PIK3C2G: variants seen among roughly 807,000 people sequenced by gnomAD.
PIK3C2G encodes the protein phosphatidylinositol-4-phosphate 3-kinase catalytic subunit type 2 gamma.
PIK3C2G carries 168 observed loss-of-function variants against 181.1 expected under a neutral mutation model. The observed-to-expected ratio is 0.93, with a 90% CI of 0.82 to 1.05. PIK3C2G has a LOEUF of 1.05. PIK3C2G is among the 50% of genes least tolerant of loss of function. The pLI, the probability that PIK3C2G is intolerant of heterozygous loss-of-function variation, is 0.00. For synonymous variants in PIK3C2G, 573 were observed against 592.2 expected (o/e 0.97, Z 0.47); for missense variants, 1,869 against 1,732.8 (o/e 1.08, Z -1.40).
At chr12:18,370,046 G>C (rs1411727331) in intron 12 of PIK3C2G, among the ~76,000 whole-genome samples, 1 of 151,120 alleles carries the variant, frequency 6.6e-6, no homozygotes, top group African/African-American at 2.4e-5. Context: ...ATCATATAAC[G>C]ATCGTATAAT....
intron 10 of PIK3C2G, 72 bp downstream of exon 10, chr12:18,343,432 T>A: frequency 1.3e-6 from 1 of 780,928 alleles, no homozygotes; most frequent in Non-Finnish European, 2.1e-6. Flanking sequence ...AATACTTTTT[T>A]CAATTTTTTT....
chr12:18,344,344 T>C (rs541352146), intron 10 of PIK3C2G, among the ~76,000 whole-genome samples: 41 of 152,178 alleles, frequency 2.7e-4, no homozygotes, highest in Non-Finnish European at 5.9e-4. Flanking sequence ...AGACACTCAA[T>C]TAAGTTTGAG....
rs373709834 is a variant in PIK3C2G at position 18,398,214 on chromosome 12, C to A, written c.2127-1445C>A. The stretch of plus-strand genomic sequence containing the variant: ...TTATTGAACTGAAGCTGCGGAATGT[C>A]CTTGAATGTGAATTTGCTTTAACAA... On this transcript the variant is annotated intron_variant, in intron 15 of 32. Transcript: ENST00000538779. Among the ~76,000 whole-genome samples, 5 of 151,878 alleles carry A rather than the reference C, an allele frequency of 3.3e-5. No homozygotes were observed. The East Asian group carries it at 5.8e-4, about 18-fold the overall frequency.
chr12:18,546,012 A>G (rs1056784687), intron 25 of PIK3C2G, among the ~76,000 whole-genome samples: 4 of 151,926 alleles, frequency 2.6e-5, no homozygotes, highest in African/African-American at 9.7e-5. Context: ...TGGGTCCACA[A>G]ATTCTCACAT....
At chr12:18,631,634 A>G (rs1949355861) in intron 31 of PIK3C2G, among the ~76,000 whole-genome samples, 1 of 152,330 alleles carries the variant, frequency 6.6e-6, no homozygotes, top group East Asian at 1.9e-4. Flanking sequence ...AAAAGTATTA[A>G]AATCCAGTTA....
intron 24 of PIK3C2G, among the ~76,000 whole-genome samples, chr12:18,526,939 A>C (rs1303191723): frequency 6.6e-6 from 1 of 152,200 alleles, no homozygotes. Flanking sequence ...TTATAAGTAA[A>C]AACAGTTTCT....
rs138321536 is a variant in PIK3C2G at position 18,449,507 on chromosome 12, G to A, written c.2504+25468G>A. 2.4e-3 allele frequency among the ~76,000 whole-genome samples: 372 copies of A among 152,118 alleles called. 1 individual carries two copies. The highest frequency in any genetic ancestry group is 8.6e-3 in the African/African-American group (355 of 41,488). On this transcript the variant is annotated intron_variant, in intron 18 of 32. Coordinates refer to ENST00000538779, the MANE Select transcript of PIK3C2G (RefSeq NM_001288772.2). ...GTGATGTTCCCCTCCCTGTGTCCAT[G>A]TGTTCTCATTGTTCAACTCCCACTT...
the PIK3C2G span, among the ~76,000 whole-genome samples, chr12:18,685,970 G>A: frequency 1.3e-5 from 2 of 151,852 alleles, no homozygotes; most frequent in South Asian, 4.1e-4. Flanking sequence ...GATGAAAATA[G>A]TTATCCTAGA....
Position 18,308,951 on chromosome 12 carries a change from A to AGTCT in PIK3C2G, c.1035-5008_1035-5005dup, listed in dbSNP as rs1343702410. Among the ~76,000 whole-genome samples the AGTCT allele has an allele frequency of 3.0e-4, 45 of 151,844 alleles. 1 individual carries two copies. The highest frequency in any genetic ancestry group is 2.9e-3 in the Admixed American group (44 of 15,236). ...AAGACCATTGACTGCTCTTCCATTC[A>AGTCT]GTCTGTTGCACTATGATGATTGAGT... On this transcript the variant is annotated intron_variant, in intron 5 of 32. Coordinates refer to ENST00000538779, the MANE Select transcript of PIK3C2G (RefSeq NM_001288772.2).
intron 31 of PIK3C2G, among the ~76,000 whole-genome samples, chr12:18,632,733 A>G (rs1044227242): frequency 3.3e-5 from 5 of 152,188 alleles, no homozygotes; most frequent in Middle Eastern, 3.2e-3. Flanking sequence ...CAGCTGAAAC[A>G]GGAAGGAAGA....
chr12:18,399,531 G>A, intron 15 of PIK3C2G, 128 bp from the exon 16 acceptor site: 1 of 462,450 alleles, frequency 2.2e-6, no homozygotes, highest in Admixed American at 3.8e-5. Flanking sequence ...GAAGGTAAAA[G>A]ATGTTTTTGA....
intron 7 of PIK3C2G, among the ~76,000 whole-genome samples, chr12:18,322,157 G>T (rs568282841): frequency 6.6e-6 from 1 of 152,208 alleles, no homozygotes; most frequent in African/African-American, 2.4e-5. Flanking sequence ...GGCCTAGGCG[G>T]GCGGATCACA....
chr12:18,708,998 T>TG, the PIK3C2G span, among the ~76,000 whole-genome samples: 1 of 152,156 alleles, frequency 6.6e-6, no homozygotes, highest in African/African-American at 2.4e-5. Context: ...TCCTTTGCTG[T>TG]GCAAAAGCTT....
intron 14 of PIK3C2G, among the ~76,000 whole-genome samples, chr12:18,388,643 T>C (rs1426330570): frequency 1.3e-5 from 2 of 152,120 alleles, no homozygotes; most frequent in Non-Finnish European, 2.9e-5. Flanking sequence ...GACAGAATCA[T>C]GGGAACCCAA....
intron 29 of PIK3C2G, among the ~76,000 whole-genome samples, chr12:18,567,810 C>A (rs1945717974): frequency 6.6e-6 from 1 of 152,058 alleles, no homozygotes; most frequent in Non-Finnish European, 1.5e-5. Flanking sequence ...CACCTGGTGG[C>A]TTTAAACAGT....
At chr12:18,603,511 A>G (rs182109849) in intron 30 of PIK3C2G, among the ~76,000 whole-genome samples, 1 of 152,218 alleles carries the variant, frequency 6.6e-6, no homozygotes, top group East Asian at 1.9e-4. Flanking sequence ...CAAATATAAG[A>G]AGCACTAAGA....
intron 29 of PIK3C2G, among the ~76,000 whole-genome samples, chr12:18,592,403 A>G (rs1333819592): frequency 6.6e-6 from 1 of 152,032 alleles, no homozygotes; most frequent in Non-Finnish European, 1.5e-5. Context: ...GACAGAATTC[A>G]CTAAAAATGG....
intron 10 of PIK3C2G, 21 bp from the exon 11 acceptor site, chr12:18,346,620 T>TCTC (rs1289005698): frequency 6.6e-7 from 1 of 1,507,682 alleles, no homozygotes; most frequent in Non-Finnish European, 9.1e-7. Flanking sequence ...AGTGACTTGA[T>TCTC]CTCTATCTCT....
intron 22 of PIK3C2G, 74 bp from the exon 23 acceptor site, chr12:18,503,207 G>C: frequency 8.9e-7 from 1 of 1,117,902 alleles, no homozygotes; most frequent in Non-Finnish European, 1.3e-6. Flanking sequence ...GGAAGCTATT[G>C]TTGTTATATT....
Sources: allele counts gnomAD v4.1 joint callset (sites outside exome capture counted in the v4.1 genomes callset), GRCh38; gene constraint gnomAD v4.1.1; transcripts MANE v1.5; gene names NCBI Gene and HGNC (gene_info 2026-07-23, HGNC 2026-07-21).